Variants in TEX10 observed in about 807,000 individuals in gnomAD.
TEX10 encodes the protein testis-expressed protein 10.
Under a neutral mutation model 104.4 loss-of-function variants are expected in TEX10, and 24 were observed. The observed-to-expected ratio is 0.23, with a 90% CI of 0.17 to 0.32. The LOEUF (loss-of-function observed/expected upper bound fraction) is 0.32, where lower values mean the gene tolerates loss of function less well. Among genes scored for constraint, TEX10 ranks in the 10% least tolerant of loss-of-function variants. The pLI is 1.00. For synonymous variants in TEX10, 396 were observed against 393.4 expected (o/e 1.01, Z -0.08); for missense variants, 921 against 1,083.9 (o/e 0.85, Z 2.11).
chr9:100,335,444 G>A (rs938090490), intron 5 of TEX10, among the ~76,000 whole-genome samples: 2 of 151,978 alleles, frequency 1.3e-5, no homozygotes, highest in Non-Finnish European at 2.9e-5. Context: ...CTCATGGTCC[G>A]CTGCCTCAGC....
chr9:100,326,164 T>A, intron 9 of TEX10, 138 bp downstream of exon 9: 2 of 834,616 alleles, frequency 2.4e-6, no homozygotes, highest in Non-Finnish European at 1.8e-6. Context: ...CTCTACCTAG[T>A]GATATAGTTT....
At chr9:100,307,301 A>T (rs1834164972) in intron 13 of TEX10, 1 of 152,218 alleles carries the variant, frequency 6.6e-6, no homozygotes, top group Non-Finnish European at 1.5e-5. Context: ...GAACACAATT[A>T]TACTCATTTA....
At chr9:100,352,653 G>C (rs1204504488) in intron 1 of TEX10, 119 bp downstream of exon 1, 1 of 1,430,966 alleles carries the variant, frequency 7.0e-7, no homozygotes, top group Non-Finnish European at 9.1e-7. Flanking sequence ...AGACCCGGGG[G>C]ACGCAAATCG....
rs544178769 is a variant in TEX10, at chr9:100,303,765, C to T, written c.2543G>A (p.Arg848Gln). Reference protein sequence around the residue: ...RVLRLMLQSLRVNRVGPEELP... With the variant: ...RVLRLMLQSLQVNRVGPEELP... The stretch of plus-strand genomic sequence containing the variant: ...CTCCTCAGGCCCAACTCTGTTCACC[C>T]GCAGGCTCTGCAGCATCAACCTGAG... The change falls in exon 14 of 15, where the codon CGG (arginine) becomes CAG (glutamine). Residue 848 changes from arginine to glutamine, a missense_variant. Physicochemically the swap from Arg to Gln is conservative, Grantham distance 43. Around this residue, in one of 3 missense-constraint regions of TEX10, gnomAD observed 753 missense variants for 868.4 expected, o/e 0.87. Coordinates refer to ENST00000374902, the MANE Select transcript of TEX10 (RefSeq NM_017746.4). 1.9e-5 allele frequency: 31 copies of T among 1,614,036 alleles called. No individual in the cohort carries two copies. The highest frequency in any genetic ancestry group is 1.7e-4 in the African/African-American group (13 of 74,998).
At chr9:100,303,595 G>A in intron 14 of TEX10, 37 bp downstream of exon 14, 2 of 1,606,564 alleles carry the variant, frequency 1.2e-6, no homozygotes, top group Non-Finnish European at 1.7e-6. Flanking sequence ...TCATTCTTAT[G>A]CTAATACTGC....
In TEX10 at chr9:100,346,762, G is replaced by T; in HGVS notation, c.825C>A (p.Asp275Glu). The change falls in exon 3 of 15, where the codon GAC becomes GAA. Residue 275 changes from aspartate (D) to glutamate (E), a missense_variant. Physicochemically the swap from Asp to Glu is conservative, Grantham distance 45. This residue lies in a region of TEX10 where 753 missense variants were observed against 868.4 expected (regional missense o/e 0.87). Coordinates refer to ENST00000374902, the MANE Select transcript of TEX10 (RefSeq NM_017746.4). The part of the protein sequence containing the change: ...IFINWKEHAN[D>E]QQHIQVYENG... ...TTTCATAAACCTGGATGTGTTGCTG[G>T]TCGTTGGCATGTTCCTTCCAGTTGA... 1 of 1,614,170 alleles carries T rather than the reference G, an allele frequency of 6.2e-7. No homozygotes were observed. Among genetic ancestry groups the T allele is most frequent in the Non-Finnish European group, 8.5e-7 (1 of 1,180,020 alleles).
At chr9:100,345,314 A>G (rs1484861756) in intron 4 of TEX10, among the ~76,000 whole-genome samples, 1 of 152,238 alleles carries the variant, frequency 6.6e-6, no homozygotes, top group African/African-American at 2.4e-5. Flanking sequence ...TACTTAATTT[A>G]TCCCGTCTTA....
rs117707973 is a variant in TEX10, at chr9:100,334,558, T to G, written c.1251-4389A>C. Reference sequence around the variant, plus strand: ...GTAAATCTAAGGACAGAATTCACAGTGGTAGACAGAAGTTTACTAAAGTAT... The same window carrying G: ...GTAAATCTAAGGACAGAATTCACAGGGGTAGACAGAAGTTTACTAAAGTAT... On this transcript the variant is annotated intron_variant, in intron 5 of 14. Coordinates refer to ENST00000374902, the MANE Select transcript of TEX10 (RefSeq NM_017746.4). Among the ~76,000 whole-genome samples, 286 of 152,200 alleles carry G rather than the reference T, an allele frequency of 1.9e-3. 9 individuals carry two copies. In the East Asian group the frequency reaches 0.052, roughly 28 times the overall value.
At chr9:100,337,209 G>A (rs998749163) in intron 5 of TEX10, among the ~76,000 whole-genome samples, 2 of 152,126 alleles carry the variant, frequency 1.3e-5, no homozygotes, top group African/African-American at 4.8e-5. Flanking sequence ...CATGAGAGCT[G>A]GTACTCTACC....
At position 100,346,147 on chromosome 9, in the gene TEX10, C is replaced by G. The variant is rs1190748703; in HGVS notation, c.1062G>C (p.Gln354His). The G allele has an allele frequency of 6.2e-7, 1 of 1,613,862 alleles. No individual in the cohort carries two copies. Among genetic ancestry groups the G allele is most frequent in the South Asian group, 1.1e-5 (1 of 91,078 alleles). Residue 354 changes from glutamine to histidine, a missense_variant, in exon 4 of 15, where the codon CAG becomes CAC. By Grantham distance (24) the Gln-to-His change is conservative. Transcript: ENST00000374902. ...TAATATTAAGAACTTGCTGCATAAC[C>G]TGTAGAGGTTCTCGTTCTATACCAT... Reference protein sequence around the residue: ...VGNGIEREPLQVMQQVLNIIS... With the variant: ...VGNGIEREPLHVMQQVLNIIS...
intron 8 of TEX10, 141 bp downstream of exon 8, chr9:100,327,646 G>GT: frequency 6.1e-6 from 3 of 492,426 alleles, no homozygotes; most frequent in South Asian, 1.6e-4. Flanking sequence ...ACTGTATGAT[G>GT]TTTTGTTCTG....
rs113827009 is a variant in TEX10, at chr9:100,334,759, G to A, written c.1251-4590C>T. On this transcript the variant is annotated intron_variant, in intron 5 of 14. Coordinates refer to ENST00000374902, the MANE Select transcript of TEX10 (RefSeq NM_017746.4). ...GGCTCACTGCAACCTCCACCTCTGGGCTTCAAGTGATTCTCCCACCTCAGG... is the reference window on the plus strand; with the variant it reads ...GGCTCACTGCAACCTCCACCTCTGGACTTCAAGTGATTCTCCCACCTCAGG... 1.0e-3 allele frequency among the ~76,000 whole-genome samples: 157 copies of A among 151,916 alleles called. 2 individuals are homozygous for A. Among genetic ancestry groups the A allele is most frequent in the African/African-American group, 3.4e-3 (142 of 41,422 alleles).
At chr9:100,332,114 C>G (rs1834877414) in intron 5 of TEX10, among the ~76,000 whole-genome samples, 1 of 152,180 alleles carries the variant, frequency 6.6e-6, no homozygotes, top group African/African-American at 2.4e-5. Context: ...ATGTACAAGT[C>G]TGACACTGGA....
chr9:100,339,882 C>T (rs1835129506), intron 5 of TEX10, among the ~76,000 whole-genome samples: 2 of 151,982 alleles, frequency 1.3e-5, no homozygotes, highest in South Asian at 4.2e-4. Context: ...ATACCAGGTT[C>T]CTCATGTATA....
chr9:100,308,903 T>C (rs775560646), intron 12 of TEX10, among the ~76,000 whole-genome samples: 16 of 152,214 alleles, frequency 1.1e-4, no homozygotes, highest in Non-Finnish European at 2.1e-4. Context: ...AGAAGTGCTA[T>C]TAACCCAATC....
At chr9:100,311,491 T>C (rs1834281000) in intron 11 of TEX10, among the ~76,000 whole-genome samples, 1 of 152,214 alleles carries the variant, frequency 6.6e-6, no homozygotes, top group African/African-American at 2.4e-5. Flanking sequence ...GCATACTGTA[T>C]TTCTATTGAG....
At chr9:100,317,800 C>T (rs1196677600) in intron 11 of TEX10, among the ~76,000 whole-genome samples, 2 of 151,848 alleles carry the variant, frequency 1.3e-5, no homozygotes, top group African/African-American at 4.8e-5. Context: ...ATCAAATAAC[C>T]CCGTTAAAAA....
intron 11 of TEX10, among the ~76,000 whole-genome samples, chr9:100,311,328 G>A (rs1430742043): frequency 6.6e-6 from 1 of 152,158 alleles, no homozygotes; most frequent in African/African-American, 2.4e-5. Context: ...CCAGGAGGTT[G>A]AGGCTGCACT....
chr9:100,350,754 C>G (rs1483304428), intron 1 of TEX10, among the ~76,000 whole-genome samples: 2 of 152,130 alleles, frequency 1.3e-5, no homozygotes, highest in African/African-American at 2.4e-5. Context: ...CAATACTGAA[C>G]AGCTCAAGTT....
Sources: allele counts gnomAD v4.1 joint callset (sites outside exome capture counted in the v4.1 genomes callset), GRCh38; gene constraint gnomAD v4.1.1; regional missense constraint gnomAD v4.1.1; transcripts MANE v1.5; gene names NCBI Gene and HGNC (gene_info 2026-07-23, HGNC 2026-07-21).